Variants in CHSY3 observed in about 807,000 individuals in gnomAD.
CHSY3 encodes N-acetylgalactosaminyl-proteoglycan 3-beta-glucuronosyltransferase 3.
Under a neutral mutation model 67.2 loss-of-function variants are expected in CHSY3, and 35 were observed. The observed-to-expected ratio is 0.52, with a 90% confidence interval of 0.40 to 0.69. The LOEUF (loss-of-function observed/expected upper bound fraction) is 0.69. CHSY3 is among the 30% of genes least tolerant of loss of function. CHSY3 has a pLI of 0.00. For missense variants in CHSY3, 1,069 were observed against 1,138.5 expected (o/e 0.94, Z 0.88); for synonymous variants, 474 against 434.7 (o/e 1.09, Z -1.12).
At chr5:130,013,898 C>T (rs186510561) in intron 2 of CHSY3, among the ~76,000 whole-genome samples, 59 of 152,288 alleles carry the variant, frequency 3.9e-4, no homozygotes, top group African/African-American at 1.3e-3. Flanking sequence ...CATCATCAGG[C>T]GGAAAATTTT....
intron 2 of CHSY3, among the ~76,000 whole-genome samples, chr5:130,146,414 C>T (rs62393213): frequency 0.057 from 8,598 of 152,100 alleles, 344 homozygotes; most frequent in Non-Finnish European, 0.081. Context: ...TGTTATCAAA[C>T]ATACCAGAGA....
intron 2 of CHSY3, among the ~76,000 whole-genome samples, chr5:129,981,624 T>A (rs11956874): frequency 6.6e-6 from 1 of 152,060 alleles, no homozygotes; most frequent in Admixed American, 6.6e-5. Context: ...GCTCAAGGAA[T>A]CCTCCCACCT....
chr5:130,047,340 T>G lies in CHSY3; in HGVS notation c.1087-136889T>G, dbSNP rs1765183928. Among the ~76,000 whole-genome samples the G allele has an allele frequency of 2.0e-5, 3 of 152,190 alleles. 1 individual carries two copies. Among genetic ancestry groups the G allele is most frequent in the Admixed American group, 2.0e-4 (3 of 15,246 alleles). ...ATCCAACAAACCTTTCTTTTTCACCTACTGTATACAAAGTCCCACATGACC... is the reference window on the plus strand; with the variant it reads ...ATCCAACAAACCTTTCTTTTTCACCGACTGTATACAAAGTCCCACATGACC... On this transcript the variant is annotated intron_variant, in intron 2 of 2. Transcript: ENST00000305031.
intron 2 of CHSY3, among the ~76,000 whole-genome samples, chr5:130,096,945 G>A (rs966083075): frequency 5.9e-5 from 9 of 151,892 alleles, no homozygotes; most frequent in Admixed American, 4.6e-4. Context: ...TCCTATATTC[G>A]TTTTGTGATC....
intron 2 of CHSY3, among the ~76,000 whole-genome samples, chr5:130,165,801 T>G (rs1407876483): frequency 6.6e-6 from 1 of 152,114 alleles, no homozygotes; most frequent in Non-Finnish European, 1.5e-5. Context: ...TCCTTATAAA[T>G]GGCTAAGGGC....
At chr5:130,098,499 A>G (rs897235961) in intron 2 of CHSY3, among the ~76,000 whole-genome samples, 1 of 152,148 alleles carries the variant, frequency 6.6e-6, no homozygotes, top group African/African-American at 2.4e-5. Flanking sequence ...TGGCTGTGTG[A>G]CCTTGCACAA....
chr5:130,090,758 A>G (rs1766850859), intron 2 of CHSY3, among the ~76,000 whole-genome samples: 1 of 152,136 alleles, frequency 6.6e-6, no homozygotes, highest in South Asian at 2.1e-4. Context: ...TGTCTTGCCC[A>G]TTCAGTGTGA....
chr5:129,916,725 G>A (rs1039916255), intron 2 of CHSY3, among the ~76,000 whole-genome samples: 2 of 152,164 alleles, frequency 1.3e-5, no homozygotes, highest in Admixed American at 1.3e-4. Context: ...TTGCTCAAAT[G>A]TATTTATTGA....
At chr5:129,925,212 T>C (rs1761062996) in intron 2 of CHSY3, among the ~76,000 whole-genome samples, 3 of 151,956 alleles carry the variant, frequency 2.0e-5, no homozygotes, top group Non-Finnish European at 2.9e-5. Flanking sequence ...CTGGGAAGAG[T>C]TGAATATCTA....
Position 130,151,601 on chromosome 5 carries a change from G to A in CHSY3, c.1087-32628G>A, listed in dbSNP as rs745330111. Among the ~76,000 whole-genome samples, 8 of 152,152 alleles carry A rather than the reference G, an allele frequency of 5.3e-5. No individual in the cohort carries two copies. In the South Asian group the frequency reaches 8.3e-4, roughly 16 times the overall value. Reference sequence around the variant, plus strand: ...GCTTAATTGACTTGCAGTTCAGCACGGCTGGGGAAGCCTCAGGAAACTTAC... The same window carrying A: ...GCTTAATTGACTTGCAGTTCAGCACAGCTGGGGAAGCCTCAGGAAACTTAC... On this transcript the variant is annotated intron_variant, in intron 2 of 2. Coordinates refer to ENST00000305031, the MANE Select transcript of CHSY3 (RefSeq NM_175856.5).
intron 2 of CHSY3, among the ~76,000 whole-genome samples, chr5:130,021,307 C>T (rs1764382605): frequency 6.6e-6 from 1 of 152,070 alleles, no homozygotes; most frequent in Admixed American, 6.6e-5. Flanking sequence ...TTACTACCAC[C>T]ACTAGTAACA....
chr5:129,977,195 C>G (rs903727217), intron 2 of CHSY3, among the ~76,000 whole-genome samples: 1 of 152,098 alleles, frequency 6.6e-6, no homozygotes, highest in African/African-American at 2.4e-5. Flanking sequence ...CAATCCAAAC[C>G]TGAATCTCTG....
intron 2 of CHSY3, among the ~76,000 whole-genome samples, chr5:130,177,129 T>G (rs1434283827): frequency 3.3e-5 from 5 of 151,910 alleles, no homozygotes; most frequent in African/African-American, 4.8e-5. Context: ...GTGTATCCTG[T>G]CCTTGACTCC....
intron 2 of CHSY3, among the ~76,000 whole-genome samples, chr5:130,024,976 T>C (rs2149656232): frequency 6.6e-6 from 1 of 152,290 alleles, no homozygotes; most frequent in African/African-American, 2.4e-5. Flanking sequence ...TCTATTTTTA[T>C]TGATTCAGCA....
At chr5:129,967,123 G>A (rs1281303084) in intron 2 of CHSY3, among the ~76,000 whole-genome samples, 2 of 151,730 alleles carry the variant, frequency 1.3e-5, no homozygotes, top group Admixed American at 6.6e-5. Flanking sequence ...ACTGGCTTCA[G>A]TATCTTCATA....
At chr5:130,063,260 GA>G (rs1173562052) in intron 2 of CHSY3, among the ~76,000 whole-genome samples, 2 of 151,804 alleles carry the variant, frequency 1.3e-5, no homozygotes, top group Non-Finnish European at 2.9e-5. Flanking sequence ...TGAAAATGAA[GA>G]AAAAAATAAA....
chr5:130,088,989 T>G (rs1477379081), intron 2 of CHSY3, among the ~76,000 whole-genome samples: 1 of 151,778 alleles, frequency 6.6e-6, no homozygotes, highest in Non-Finnish European at 1.5e-5. Flanking sequence ...CCAACAATGA[T>G]AGACTGGATT....
intron 2 of CHSY3, among the ~76,000 whole-genome samples, chr5:130,131,380 A>G (rs1431441184): frequency 3.3e-5 from 5 of 152,174 alleles, no homozygotes; most frequent in Non-Finnish European, 5.9e-5. Flanking sequence ...CTTTCCATAT[A>G]GAAGGAATAG....
intron 2 of CHSY3, among the ~76,000 whole-genome samples, chr5:129,931,692 T>TAAAA (rs954737568): frequency 6.6e-6 from 1 of 152,188 alleles, no homozygotes; most frequent in African/African-American, 2.4e-5. Context: ...CTCTGCCTTT[T>TAAAA]CTTCAAGTGT....
Sources: allele counts gnomAD v4.1 joint callset (sites outside exome capture counted in the v4.1 genomes callset), GRCh38; gene constraint gnomAD v4.1.1; transcripts MANE v1.5; gene names NCBI Gene and HGNC (gene_info 2026-07-23, HGNC 2026-07-21).